Variants in COG2 observed in about 807,000 individuals in gnomAD.
The protein encoded by COG2 is conserved oligomeric Golgi complex subunit 2.
In COG2, 52 loss-of-function variants were observed where a neutral mutation model predicts 90.6. The ratio of observed to expected loss-of-function variants is 0.57; its 90% CI spans 0.46 to 0.72. The LOEUF (loss-of-function observed/expected upper bound fraction) is 0.72. Ranked by LOEUF, COG2 falls within the 30% of genes least tolerant of loss-of-function variation. COG2 has a pLI of 0.00. For missense variants in COG2, 829 were observed against 891.2 expected, an observed-to-expected ratio of 0.93 and a Z score of 0.89; for synonymous variants, 337 against 320.4, an observed-to-expected ratio of 1.05 and a Z score of -0.55.
Position 230,674,996 on chromosome 1 carries a change from A to G in COG2, c.900-2A>G, listed in dbSNP as rs1662549002. ...TTACTGATATGTGCCCTTATTTTAC[A>G]GTGAAAAAGGCAATACTGTTCCTGG... is the stretch of plus-strand genomic sequence containing the variant. On this transcript the variant is annotated splice_acceptor_variant, in intron 8 of 17. Transcript: ENST00000366669. LOFTEE classifies it high-confidence loss of function. The G allele has an allele frequency of 6.2e-7, 1 of 1,604,268 alleles. No individual in the cohort carries two copies. Among genetic ancestry groups the G allele is most frequent in the South Asian group, 1.1e-5 (1 of 88,778 alleles).
At chr1:230,660,685 T>C in intron 2 of COG2, 73 bp from the exon 3 acceptor site, 2 of 1,007,748 alleles carry the variant, frequency 2.0e-6, no homozygotes, top group Middle Eastern at 2.1e-4. Flanking sequence ...AGCACTACAT[T>C]GATCATTAAA....
intron 8 of COG2, among the ~76,000 whole-genome samples, chr1:230,673,516 C>T (rs2102761272): frequency 6.6e-6 from 1 of 152,318 alleles, no homozygotes; most frequent in Middle Eastern, 3.4e-3. Flanking sequence ...GTTAATCTTG[C>T]AGGTTTTACA....
intron 1 of COG2, among the ~76,000 whole-genome samples, chr1:230,644,827 A>G (rs1214762507): frequency 6.6e-6 from 1 of 152,186 alleles, no homozygotes; most frequent in Non-Finnish European, 1.5e-5. Context: ...ATGATCATGT[A>G]TGTTGCAGTT....
intron 5 of COG2, among the ~76,000 whole-genome samples, chr1:230,667,980 C>A (rs1259156072): frequency 1.3e-5 from 2 of 152,114 alleles, no homozygotes; most frequent in Non-Finnish European, 2.9e-5. Flanking sequence ...GTAAAGAATG[C>A]CCTCTCACTA....
At chr1:230,642,717 G>T in intron 1 of COG2, 39 bp downstream of exon 1, 2 of 1,594,372 alleles carry the variant, frequency 1.3e-6, no homozygotes, top group Non-Finnish European at 8.6e-7. Flanking sequence ...GGGCCATGAG[G>T]GTGCCTCTGC....
At chr1:230,685,706 T>C (rs2102771773) in intron 12 of COG2, among the ~76,000 whole-genome samples, 1 of 152,298 alleles carries the variant, frequency 6.6e-6, no homozygotes, top group East Asian at 1.9e-4. Flanking sequence ...AATAATCAAA[T>C]ATATTAAATA....
At chr1:230,668,496 TTGAC>T (rs1399515485) in intron 5 of COG2, among the ~76,000 whole-genome samples, 176 bp from the exon 6 acceptor site, 1 of 152,136 alleles carries the variant, frequency 6.6e-6, no homozygotes, top group African/African-American at 2.4e-5. Context: ...CTGGGGAACA[TTGAC>T]TGATGGCACA....
chr1:230,677,183 CTG>C, intron 9 of COG2, among the ~76,000 whole-genome samples: 1 of 152,282 alleles, frequency 6.6e-6, no homozygotes, highest in South Asian at 2.1e-4. Flanking sequence ...ATTTCACAGT[CTG>C]TCTTCTAGGT....
chr1:230,686,676 C>T (rs1409680518), intron 12 of COG2, among the ~76,000 whole-genome samples: 3 of 152,030 alleles, frequency 2.0e-5, no homozygotes, highest in Non-Finnish European at 2.9e-5. Flanking sequence ...TTATTTTTCA[C>T]GTTATTTTTA....
At chr1:230,675,777 C>T (rs1411889402) in intron 9 of COG2, among the ~76,000 whole-genome samples, 1 of 152,070 alleles carries the variant, frequency 6.6e-6, no homozygotes, top group Non-Finnish European at 1.5e-5. Flanking sequence ...TCCTGAGTAG[C>T]TGGGATTTCA....
At chr1:230,665,084 AGT>A (rs1242213356) in intron 5 of COG2, among the ~76,000 whole-genome samples, 1 of 152,218 alleles carries the variant, frequency 6.6e-6, no homozygotes, top group African/African-American at 2.4e-5. Flanking sequence ...GTTATACTGT[AGT>A]GTCTTATTAC....
At position 230,660,742 on chromosome 1, in the gene COG2, T is replaced by A. The variant is rs1662161618; in HGVS notation, c.235-16T>A. On this transcript the variant is annotated splice_polypyrimidine_tract_variant and intron_variant, in intron 2 of 17. Transcript: ENST00000366669. ...TGATTGTGAGGTGTGTGTGCCAACATGATTTCTGCCTTTAGGTTGGCATGG... is the reference window on the plus strand; with the variant it reads ...TGATTGTGAGGTGTGTGTGCCAACAAGATTTCTGCCTTTAGGTTGGCATGG... The A allele has an allele frequency of 6.4e-7, 1 of 1,570,352 alleles. No individual in the cohort carries two copies. The highest frequency in any genetic ancestry group is 8.6e-7 in the Non-Finnish European group (1 of 1,160,644).
chr1:230,685,016 T>TAA, intron 11 of COG2, 69 bp from the exon 12 acceptor site: 1 of 1,516,548 alleles, frequency 6.6e-7, no homozygotes, highest in Non-Finnish European at 8.9e-7. Flanking sequence ...ATCGGAAGTC[T>TAA]CACATTAGAC....
At chr1:230,663,028 T>C in intron 3 of COG2, 113 bp from the exon 4 acceptor site, 1 of 633,422 alleles carries the variant, frequency 1.6e-6, no homozygotes, top group Non-Finnish European at 2.5e-6. Context: ...TTTGTCAATA[T>C]CTGTGTAATA....
Position 230,671,372 on chromosome 1 carries a change from T to C in COG2, c.775-144T>C, listed in dbSNP as rs555874906. ...TTTTGAATGTGACCTGTTATTTACT[T>C]CACTGTTTAGAAAATGTGTCACAGG... On this transcript the variant is annotated intron_variant, in intron 7 of 17. Transcript: ENST00000366669. The C allele has an allele frequency of 1.3e-4, 80 of 636,844 alleles. 1 individual carries two copies. In the Admixed American group the frequency reaches 1.6e-3, roughly 13 times the overall value. 39.4% of individuals were successfully genotyped at this position (636,844 alleles called of 1,614,324 possible).
chr1:230,672,148 A>G (rs1201969185), intron 8 of COG2, among the ~76,000 whole-genome samples: 1 of 152,076 alleles, frequency 6.6e-6, no homozygotes, highest in Non-Finnish European at 1.5e-5. Flanking sequence ...GTCCACAATA[A>G]TAGAATCTTC....
intron 5 of COG2, among the ~76,000 whole-genome samples, chr1:230,665,746 A>G (rs956369655): frequency 5.9e-5 from 9 of 152,066 alleles, no homozygotes; most frequent in African/African-American, 1.7e-4. Context: ...ATCTGCGCTC[A>G]TCAGAGTCCC....
chr1:230,643,546 C>T (rs572477273), intron 1 of COG2, among the ~76,000 whole-genome samples: 2 of 152,068 alleles, frequency 1.3e-5, no homozygotes, highest in Admixed American at 6.5e-5. Context: ...CAATTTTGAG[C>T]AAGTGAGTTG....
rs539817568 is a variant in COG2, at chr1:230,669,318, C to G, written c.595-38C>G. On this transcript the variant is annotated intron_variant, in intron 6 of 17. Transcript: ENST00000366669. ...CTTGCAGTTTCAGAAACTGTTACAACTAGAGCTTTTTTTTTATTTACCCAC... is the reference window on the plus strand; with the variant it reads ...CTTGCAGTTTCAGAAACTGTTACAAGTAGAGCTTTTTTTTTATTTACCCAC... 3.8e-6 allele frequency: 6 copies of G among 1,576,756 alleles called. No homozygotes were observed. In the East Asian group the frequency reaches 6.8e-5, roughly 18 times the overall value.
Sources: allele counts gnomAD v4.1 joint callset (sites outside exome capture counted in the v4.1 genomes callset), GRCh38; gene constraint gnomAD v4.1.1; transcripts MANE v1.5; gene names NCBI Gene and HGNC (gene_info 2026-07-23, HGNC 2026-07-21).